Variants in CDH12 observed in about 807,000 individuals in gnomAD.
CDH12 encodes the protein cadherin 12, also known as cadherin-12.
In CDH12, 41 loss-of-function variants were observed where a neutral mutation model predicts 74.1. The observed-to-expected ratio is 0.55, with a 90% CI of 0.43 to 0.72. The LOEUF is 0.72. CDH12 is among the 30% of genes least tolerant of loss of function. The probability of loss-of-function intolerance (pLI) is 0.00; values close to 1 mark genes in which losing one functional copy is unlikely to be tolerated. For missense variants in CDH12, 945 were observed against 977.2 expected (o/e 0.97, Z 0.44); for synonymous variants, 399 against 355.0 (o/e 1.12, Z -1.39).
intron 8 of CDH12, among the ~76,000 whole-genome samples, chr5:21,825,553 T>C (rs188319977): frequency 6.6e-6 from 1 of 152,142 alleles, no homozygotes; most frequent in East Asian, 1.9e-4. Flanking sequence ...GTTACCCCCA[T>C]CATTTTCTTT....
At chr5:22,591,535 A>G (rs1398258468) in intron 1 of CDH12, among the ~76,000 whole-genome samples, 1 of 152,144 alleles carries the variant, frequency 6.6e-6, no homozygotes, top group Non-Finnish European at 1.5e-5. Flanking sequence ...CCAGTCTGTA[A>G]AACAAGTTCC....
intron 1 of CDH12, among the ~76,000 whole-genome samples, chr5:22,626,414 T>C (rs747974643): frequency 6.6e-6 from 1 of 152,074 alleles, no homozygotes; most frequent in Non-Finnish European, 1.5e-5. Flanking sequence ...CTTTGAGCAG[T>C]TAGGGAATAA....
At chr5:21,863,071 G>A (rs1380832824) in intron 6 of CDH12, among the ~76,000 whole-genome samples, 1 of 152,018 alleles carries the variant, frequency 6.6e-6, no homozygotes, top group African/African-American at 2.4e-5. Flanking sequence ...AAGCTCTAAG[G>A]GGTTTCTATC....
At chr5:22,439,820 G>A (rs1373325766) in intron 2 of CDH12, among the ~76,000 whole-genome samples, 1 of 151,978 alleles carries the variant, frequency 6.6e-6, no homozygotes, top group African/African-American at 2.4e-5. Context: ...CCCTGAATTA[G>A]GCAGTATCAT....
At chr5:22,205,902 T>C (rs959362483) in intron 4 of CDH12, among the ~76,000 whole-genome samples, 3 of 152,130 alleles carry the variant, frequency 2.0e-5, no homozygotes, top group Non-Finnish European at 4.4e-5. Flanking sequence ...CTAAATATTT[T>C]GCTTTCTAAG....
At chr5:22,185,419 T>C (rs1306615213) in intron 4 of CDH12, among the ~76,000 whole-genome samples, 1 of 152,038 alleles carries the variant, frequency 6.6e-6, no homozygotes, top group Admixed American at 6.6e-5. Flanking sequence ...GGCTGGTCTT[T>C]GATTCACATA....
At chr5:22,253,419 G>A (rs1279829335) in intron 3 of CDH12, among the ~76,000 whole-genome samples, 2 of 151,716 alleles carry the variant, frequency 1.3e-5, no homozygotes, top group East Asian at 3.9e-4. Flanking sequence ...TTAAAACAAT[G>A]ATACTCAAAA....
chr5:22,784,787 G>C (rs2055969), intron 1 of CDH12, among the ~76,000 whole-genome samples: 6 of 152,018 alleles, frequency 3.9e-5, no homozygotes, highest in African/African-American at 1.4e-4. Flanking sequence ...TTTCTGAAAC[G>C]CTGTTTTGAA....
intron 4 of CDH12, among the ~76,000 whole-genome samples, chr5:22,201,272 G>A (rs1470391660): frequency 2.6e-5 from 4 of 152,190 alleles, no homozygotes; most frequent in East Asian, 1.9e-4. Context: ...TCCAAGATAC[G>A]GAATCAATCC....
At chr5:22,329,482 G>T (rs1739258197) in intron 3 of CDH12, among the ~76,000 whole-genome samples, 1 of 152,162 alleles carries the variant, frequency 6.6e-6, no homozygotes, top group African/African-American at 2.4e-5. Context: ...TACATCATTT[G>T]TTCCCGCTGC....
chr5:22,386,307 G>A (rs1351604682), intron 3 of CDH12, among the ~76,000 whole-genome samples: 1 of 152,144 alleles, frequency 6.6e-6, no homozygotes, highest in African/African-American at 2.4e-5. Flanking sequence ...TCTAACAGTG[G>A]GGATTACAAT....
intron 9 of CDH12, among the ~76,000 whole-genome samples, chr5:21,816,655 A>AAAAAAAAAAAAAAAAAAAAAAAAAC (rs1748065098): frequency 7.0e-6 from 1 of 143,628 alleles, no homozygotes; most frequent in Non-Finnish European, 1.5e-5. Context: ...AAAAAAAAAG[A>AAAAAAAAAAAAAAAAAAAAAAAAAC]ATAGAGTATA....
At chr5:22,619,628 T>C (rs1422528147) in intron 1 of CDH12, among the ~76,000 whole-genome samples, 6 of 152,026 alleles carry the variant, frequency 3.9e-5, no homozygotes, top group Admixed American at 3.3e-4. Flanking sequence ...TGGTAACCTA[T>C]TTTCTATAAT....
chr5:22,206,985 G>A (rs1399581932), intron 4 of CDH12, among the ~76,000 whole-genome samples: 1 of 151,010 alleles, frequency 6.6e-6, no homozygotes, highest in Non-Finnish European at 1.5e-5. Flanking sequence ...AGGCGGAGGT[G>A]GATGGATCAC....
At chr5:22,154,869 C>T (rs1367013062) in intron 4 of CDH12, among the ~76,000 whole-genome samples, 4 of 152,034 alleles carry the variant, frequency 2.6e-5, no homozygotes, top group Non-Finnish European at 5.9e-5. Flanking sequence ...CTCAGGGTCT[C>T]ATAAGGCTAT....
chr5:22,406,737 C>T (rs1742955694), intron 2 of CDH12, among the ~76,000 whole-genome samples: 1 of 151,956 alleles, frequency 6.6e-6, no homozygotes, highest in Non-Finnish European at 1.5e-5. Context: ...AGATAAATTT[C>T]ATTATCTGTT....
At chr5:22,846,077 C>A (rs1168652609) in intron 1 of CDH12, among the ~76,000 whole-genome samples, 2 of 151,930 alleles carry the variant, frequency 1.3e-5, no homozygotes, top group Non-Finnish European at 2.9e-5. Context: ...GATATTGTAC[C>A]ACATGTGGGT....
At chr5:22,081,884 AGT>A (rs1742753661) in intron 4 of CDH12, among the ~76,000 whole-genome samples, 1 of 152,222 alleles carries the variant, frequency 6.6e-6, no homozygotes, top group African/African-American at 2.4e-5. Context: ...ATGTGTCTAT[AGT>A]GTGGAAAAAT....
chr5:22,737,132 T>G (rs1744769605), intron 1 of CDH12, among the ~76,000 whole-genome samples: 1 of 151,980 alleles, frequency 6.6e-6, no homozygotes, highest in African/African-American at 2.4e-5. Context: ...GGCTTTTCAC[T>G]GATGTTTATA....
Sources: gnomAD v4.1 joint callset for allele counts (sites outside exome capture counted in the v4.1 genomes callset) on GRCh38, gnomAD v4.1.1 for gene constraint, MANE v1.5 for transcripts, NCBI Gene and HGNC (gene_info 2026-07-23, HGNC 2026-07-21) for gene names.